The following PISD variants were observed in gnomAD, a reference collection of about 807,000 sequenced individuals.
PISD encodes phosphatidylserine decarboxylase proenzyme, mitochondrial.
In PISD, 31 loss-of-function variants were observed where a neutral mutation model predicts 43.5. That is an observed-to-expected ratio of 0.71 (90% CI 0.54 to 0.96). PISD has a LOEUF of 0.96. Ranked by LOEUF, PISD falls within the 40% of genes least tolerant of loss-of-function variation. The pLI, the probability that PISD is intolerant of heterozygous loss-of-function variation, is 0.00. For missense variants in PISD, 523 were observed against 548.4 expected, an observed-to-expected ratio of 0.95 and a Z score of 0.46; for synonymous variants, 259 against 228.7, an observed-to-expected ratio of 1.13 and a Z score of -1.20.
chr22:31,621,744 C>T lies in PISD; in HGVS notation c.463G>A (p.Ala155Thr), dbSNP rs760619419. 5.0e-6 allele frequency: 8 copies of T among 1,614,134 alleles called. No individual in the cohort carries two copies. The highest frequency in any genetic ancestry group is 2.2e-5 in the South Asian group (2 of 91,084). The part of the protein sequence containing the change: ...WTFGVNMKEA[A>T]VEDLHHYRNL... ...CGGTAGTGATGCAGGTCCTCCACAG[C>T]GGCCTCTTTCATGTTCACCCCAAAC... Residue 155 changes from alanine (A) to threonine (T), a missense_variant, in exon 4 of 8, where the codon GCT (alanine) becomes ACT (threonine). Ala to Thr is a moderately conservative substitution (Grantham distance 58, BLOSUM62 0). Transcript: ENST00000439502.
intron 3 of PISD, among the ~76,000 whole-genome samples, chr22:31,637,166 T>TATATATAA (rs2073518217): frequency 6.1e-5 from 1 of 16,366 alleles, no homozygotes; most frequent in Non-Finnish European, 9.6e-5. Context: ...AAAAAAAAAA[T>TATATATAA]ATATATATAT....
intron 3 of PISD, among the ~76,000 whole-genome samples, chr22:31,636,117 C>A (rs777184105): frequency 1.3e-5 from 2 of 152,208 alleles, no homozygotes; most frequent in African/African-American, 4.8e-5. Flanking sequence ...GGCGCCAGGA[C>A]GCGTGCTGAG....
intron 3 of PISD, among the ~76,000 whole-genome samples, chr22:31,625,078 G>A (rs1309806738): frequency 6.6e-6 from 1 of 152,148 alleles, no homozygotes; most frequent in Non-Finnish European, 1.5e-5. Context: ...CTGCCATCTG[G>A]GACTGTGCTC....
At chr22:31,662,444 C>T (rs1218910776), upstream of PISD, 1 of 549,932 alleles carries the variant, frequency 1.8e-6, no homozygotes, top group Non-Finnish European at 3.3e-6. Context: ...ACTGCCACTC[C>T]TCCTCCTTCC....
chr22:31,620,406 C>T, intron 7 of PISD, 147 bp downstream of exon 7: 1 of 748,270 alleles, frequency 1.3e-6, no homozygotes, highest in Non-Finnish European at 2.1e-6. Context: ...CGGCCATTCT[C>T]AGGACAGCTG....
intron 1 of PISD, among the ~76,000 whole-genome samples, chr22:31,652,016 C>G (rs571446135): frequency 5.1e-4 from 77 of 152,074 alleles, no homozygotes; most frequent in Admixed American, 9.2e-4. Context: ...TCCTTGGAAC[C>G]CTTTATGATA....
intron 3 of PISD, among the ~76,000 whole-genome samples, chr22:31,641,811 C>T (rs948104501): frequency 6.6e-5 from 10 of 150,504 alleles, no homozygotes; most frequent in Admixed American, 5.9e-4. Context: ...CAGAGTGAGA[C>T]GCCATCTCAA....
At position 31,619,188 on chromosome 22, in the gene PISD, TGCA is replaced by T. The variant is rs141548250; in HGVS notation, c.*421_*423del. Reference sequence around the variant, plus strand: ...TGTGCCAAGGAGGCACCTCACCCTGTGCAGCAGGAGCGTTAAGGCCAAAAAACA... The same window carrying T: ...TGTGCCAAGGAGGCACCTCACCCTGTGCAGGAGCGTTAAGGCCAAAAAACA... On this transcript the variant is annotated 3_prime_UTR_variant, in exon 8 of 8. Coordinates refer to ENST00000439502, the MANE Select transcript of PISD (RefSeq NM_001326411.2). 5.9e-3 allele frequency: 1,832 copies of T among 312,140 alleles called. 40 individuals are homozygous for T. Among genetic ancestry groups the T allele is most frequent in the African/African-American group, 0.038 (1,714 of 45,606 alleles). 19.3% of individuals were successfully genotyped at this position (312,140 alleles called of 1,614,324 possible).
At chr22:31,640,883 T>G (rs868239673) in intron 3 of PISD, among the ~76,000 whole-genome samples, 9 of 48,888 alleles carry the variant, frequency 1.8e-4, no homozygotes, top group Non-Finnish European at 3.1e-4. Flanking sequence ...ACCCGGTGTT[T>G]TTTTTTTTTT....
Position 31,621,433 on chromosome 22 carries a change from C to G in PISD, c.598G>C (p.Val200Leu), listed in dbSNP as rs2072565345. Reference sequence around the variant, plus strand: ...ACCTGCTCCACCTCACAGTTCTTCACCTGCCCAAAGTTGAGGATCCTTCCA... The same window carrying G: ...ACCTGCTCCACCTCACAGTTCTTCAGCTGCCCAAAGTTGAGGATCCTTCCA... ...SDGRILNFGQ[V>L]KNCEVEQVKG... is the part of the protein sequence containing the mutation. The change falls in exon 5 of 8, where the codon GTG becomes CTG. Residue 200 changes from valine to leucine, a missense_variant. Physicochemically the swap from Val to Leu is conservative, Grantham distance 32. Transcript: ENST00000439502. 6.2e-7 allele frequency: 1 copy of G among 1,614,180 alleles called. No homozygotes were observed. Among genetic ancestry groups the G allele is most frequent in the East Asian group, 2.2e-5 (1 of 44,876 alleles).
In PISD at chr22:31,650,725, T is replaced by C. The variant is rs1419150202; in HGVS notation, c.119A>G (p.Lys40Arg). ...TGTGCGAAAGGCTCTAAAAGGCAGC[T>C]TCCGTAAGGGCTGTAGGGATTGGCT... ...ALSQSLQPLR[K>R]LPFRAFRTDA... is the part of the protein sequence containing the mutation. The change falls in exon 2 of 8, where the codon AAG becomes AGG. Residue 40 changes from lysine (K) to arginine (R), a missense_variant. Transcript: ENST00000439502. The C allele has an allele frequency of 2.6e-6, 4 of 1,555,454 alleles. No individual in the cohort carries two copies. The South Asian group carries it at 4.7e-5, about 18-fold the overall frequency.
chr22:31,647,599 G>C (rs1289616538), intron 3 of PISD, among the ~76,000 whole-genome samples: 1 of 152,172 alleles, frequency 6.6e-6, no homozygotes, highest in Non-Finnish European at 1.5e-5. Flanking sequence ...CTGGGACATG[G>C]GAAGCACAGA....
At chr22:31,650,061 C>T (rs1169956095) in intron 2 of PISD, among the ~76,000 whole-genome samples, 2 of 152,312 alleles carry the variant, frequency 1.3e-5, no homozygotes, top group Admixed American at 6.5e-5. Context: ...TCAAGCAACC[C>T]AGTTTGTGTT....
intron 1 of PISD, among the ~76,000 whole-genome samples, chr22:31,659,884 G>GT (rs1056892007): frequency 2.6e-5 from 4 of 151,904 alleles, no homozygotes; most frequent in African/African-American, 4.8e-5. Flanking sequence ...GCCCGGCTTT[G>GT]TTTTTTTTAA....
Position 31,625,796 on chromosome 22 carries a change from G to A in PISD, c.322-3911C>T, listed in dbSNP as rs149634136. Reference sequence around the variant, plus strand: ...CGCGCGGAGCTCTGGTCCTTGCCGCGCCTCTGACTGACACATCATGGGCCG... The same window carrying A: ...CGCGCGGAGCTCTGGTCCTTGCCGCACCTCTGACTGACACATCATGGGCCG... On this transcript the variant is annotated intron_variant, in intron 3 of 7. Transcript: ENST00000439502. The A allele has an allele frequency of 2.7e-5, 43 of 1,599,422 alleles. No homozygotes were observed. The highest frequency in any genetic ancestry group is 1.7e-4 in the African/African-American group (13 of 74,754).
intron 3 of PISD, among the ~76,000 whole-genome samples, chr22:31,637,159 AAAAAAATATATATATATATATATATAT>A (rs1392788629): frequency 0.011 from 299 of 27,718 alleles, 13 homozygotes; most frequent in South Asian, 0.026. Flanking sequence ...AAAAAAAAAA[AAAAAAATATATATATATATATATATAT>A]ATATATATAT....
At chr22:31,642,840 C>T (rs57103115) in intron 3 of PISD, among the ~76,000 whole-genome samples, 8,229 of 149,636 alleles carry the variant, frequency 0.055, 235 homozygotes, top group Non-Finnish European at 0.065. Flanking sequence ...TGGTGGCTCA[C>T]ACCTGTAATC....
chr22:31,650,778 G>A lies in PISD; in HGVS notation c.66C>T (p.Ser22=). ...LLHGVAPWRS[S]LHPCEITALS... ...GGGCAGTGATCTCACAGGGATGGAG[G>A]CTATAACCAAGCAAAAATGAACCAT... is the stretch of plus-strand genomic sequence containing the variant. Residue 22 remains serine, a splice_region_variant and synonymous_variant, in exon 2 of 8, where the codon AGC becomes AGT. Transcript: ENST00000439502. 1 of 1,538,862 alleles carries A rather than the reference G, an allele frequency of 6.5e-7. No individual in the cohort carries two copies. Among genetic ancestry groups the A allele is most frequent in the Non-Finnish European group, 8.8e-7 (1 of 1,139,760 alleles).
chr22:31,662,076 C>G, intron 1 of PISD, 68 bp downstream of exon 1: 1 of 1,399,082 alleles, frequency 7.1e-7, no homozygotes. Flanking sequence ...ACAGAAACAT[C>G]TCTCTTCAGA....
Sources: gnomAD v4.1 joint callset for allele counts (sites outside exome capture counted in the v4.1 genomes callset) on GRCh38, gnomAD v4.1.1 for gene constraint, MANE v1.5 for transcripts, NCBI Gene and HGNC (gene_info 2026-07-23, HGNC 2026-07-21) for gene names.